Variants in HDAC8 observed in about 807,000 individuals in gnomAD.
HDAC8 encodes the protein histone deacetylase 8, also known as histone deacetylase-like 1.
In HDAC8, 1 loss-of-function variant was observed where a neutral mutation model predicts 32.2. The ratio of observed to expected loss-of-function variants is 0.03; its 90% CI spans 0.01 to 0.15. The LOEUF is 0.15. Ranked by LOEUF, HDAC8 falls within the 10% of genes least tolerant of loss-of-function variation. The pLI, the probability that HDAC8 is intolerant of heterozygous loss-of-function variation, is 1.00. For synonymous variants in HDAC8, 108 were observed against 113.9 expected (o/e 0.95, Z 0.33); for missense variants, 117 against 300.0 (o/e 0.39, Z 4.51).
At chrX:72,516,882 C>T (rs1240684256) in intron 4 of HDAC8, among the ~76,000 whole-genome samples, 2 of 112,461 alleles carry the variant, frequency 1.8e-5, no homozygotes, top group African/African-American at 6.5e-5. Flanking sequence ...TCTCTGTCCT[C>T]TTGTGCCACT....
At chrX:72,430,503 G>C (rs982530789) in intron 9 of HDAC8, among the ~76,000 whole-genome samples, 1 of 112,160 alleles carries the variant, frequency 8.9e-6, no homozygotes, top group African/African-American at 3.2e-5. Context: ...CTAAAAATTG[G>C]GTTGTCAATA....
At chrX:72,526,713 C>A (rs2050163135) in intron 4 of HDAC8, among the ~76,000 whole-genome samples, 1 of 111,727 alleles carries the variant, frequency 9.0e-6, no homozygotes, top group Non-Finnish European at 1.9e-5. Flanking sequence ...CTCGAAGACA[C>A]CATGACCAAT....
At position 72,490,395 on chromosome X, in the gene HDAC8, C is replaced by T. The variant is rs60137203; in HGVS notation, c.628+534G>A. 0.05 allele frequency among the ~76,000 whole-genome samples: 5,314 copies of T among 107,290 alleles called. 811 individuals are homozygous for T. The East Asian group carries it at 0.72, about 15-fold the overall frequency. 93.2% of individuals were successfully genotyped at this position (107,290 alleles called of 115,157 possible). Reference sequence around the variant, plus strand: ...TAGACTGGATTAAGAAAATGTGGCACATATACACCATGGAATACTATGCAG... The same window carrying T: ...TAGACTGGATTAAGAAAATGTGGCATATATACACCATGGAATACTATGCAG... On this transcript the variant is annotated intron_variant, in intron 6 of 10. Coordinates refer to ENST00000373573, the MANE Select transcript of HDAC8 (RefSeq NM_018486.3).
At chrX:72,547,536 C>T in intron 4 of HDAC8, among the ~76,000 whole-genome samples, 1 of 110,305 alleles carries the variant, frequency 9.1e-6, no homozygotes, top group Non-Finnish European at 1.9e-5. Flanking sequence ...ACTTCCATTT[C>T]CAAATCTGGA....
chrX:72,410,302 T>C (rs1221447579), intron 9 of HDAC8, among the ~76,000 whole-genome samples: 1 of 110,489 alleles, frequency 9.1e-6, no homozygotes, highest in Non-Finnish European at 1.9e-5. Flanking sequence ...TTCTGAGAGC[T>C]GGGAGGAGGC....
intron 5 of HDAC8, among the ~76,000 whole-genome samples, chrX:72,492,741 G>A (rs1277068404): frequency 1.8e-5 from 2 of 111,644 alleles, no homozygotes; most frequent in Non-Finnish European, 3.8e-5. Flanking sequence ...TCATTCTTAT[G>A]TGGTTCTGTA....
At chrX:72,568,730 A>G (rs1466463704) in intron 3 of HDAC8, 24 bp downstream of exon 3, 20 of 1,208,140 alleles carry the variant, frequency 1.7e-5, no homozygotes, top group Non-Finnish European at 2.2e-5. Context: ...TCCATCTCCC[A>G]TCACTGCCTG....
intron 4 of HDAC8, among the ~76,000 whole-genome samples, chrX:72,561,603 C>T (rs1442634932): frequency 8.9e-6 from 1 of 112,267 alleles, no homozygotes; most frequent in African/African-American, 3.2e-5. Context: ...ATTGGAAAAA[C>T]CCTTCTAGAC....
At chrX:72,443,130 G>A in intron 9 of HDAC8, among the ~76,000 whole-genome samples, 1 of 110,704 alleles carries the variant, frequency 9.0e-6, no homozygotes, top group Non-Finnish European at 1.9e-5. Context: ...AGATCAGCGA[G>A]ACAGAAAGTT....
At chrX:72,557,679 AAACAAG>A (rs2051330283) in intron 4 of HDAC8, among the ~76,000 whole-genome samples, 1 of 111,543 alleles carries the variant, frequency 9.0e-6, no homozygotes, top group Non-Finnish European at 1.9e-5. Flanking sequence ...GAAACTGGAG[AAACAAG>A]AACAATCCAA....
chrX:72,423,468 T>A (rs2046548474), intron 9 of HDAC8, among the ~76,000 whole-genome samples: 1 of 111,845 alleles, frequency 8.9e-6, no homozygotes. Flanking sequence ...CTCTACCAAC[T>A]TCCTTCTAGA....
intron 9 of HDAC8, among the ~76,000 whole-genome samples, chrX:72,445,148 C>T (rs2147996606): frequency 9.0e-6 from 1 of 110,616 alleles, no homozygotes; most frequent in East Asian, 2.8e-4. Flanking sequence ...CATCAAGCTA[C>T]CAATGACTTT....
intron 4 of HDAC8, among the ~76,000 whole-genome samples, chrX:72,550,950 C>T (rs1468174965): frequency 9.0e-6 from 1 of 111,263 alleles, no homozygotes; most frequent in African/African-American, 3.3e-5. Context: ...AGAATCTAAC[C>T]CCATCCATCT....
intron 4 of HDAC8, among the ~76,000 whole-genome samples, chrX:72,545,929 TA>T (rs1311108887): frequency 8.9e-6 from 1 of 111,814 alleles, no homozygotes; most frequent in Non-Finnish European, 1.9e-5. Flanking sequence ...TATTTGTTTA[TA>T]AAGGCTGGAG....
At chrX:72,485,623 CAAG>C (rs1400108427) in intron 7 of HDAC8, among the ~76,000 whole-genome samples, 1 of 103,796 alleles carries the variant, frequency 9.6e-6, no homozygotes, top group Non-Finnish European at 2.0e-5. Context: ...AAGGAAAAGA[CAAG>C]ACAAGAAAAG....
chrX:72,345,734 G>A (rs1267330041), intron 10 of HDAC8, among the ~76,000 whole-genome samples: 1 of 111,723 alleles, frequency 9.0e-6, no homozygotes, highest in Non-Finnish European at 1.9e-5. Flanking sequence ...AGGCTGGAGT[G>A]CAGTGGCACA....
chrX:72,424,435 G>T (rs782709615), intron 9 of HDAC8, among the ~76,000 whole-genome samples: 8 of 110,563 alleles, frequency 7.2e-5, no homozygotes, highest in Non-Finnish European at 1.1e-4. Context: ...TCTTTTTCAG[G>T]AATTCTTATT....
At chrX:72,413,253 G>A (rs1482715431) in intron 9 of HDAC8, among the ~76,000 whole-genome samples, 2 of 96,461 alleles carry the variant, frequency 2.1e-5, no homozygotes, top group African/African-American at 4.3e-5. Flanking sequence ...CTCTCCTAAC[G>A]CTGTCCCTCC....
Position 72,485,135 on chromosome X carries a change from C to T in HDAC8, c.737+3798G>A, listed in dbSNP as rs1017711920. 2.7e-5 allele frequency among the ~76,000 whole-genome samples: 3 copies of T among 111,354 alleles called. No homozygotes were observed. In the Admixed American group the frequency reaches 2.9e-4, roughly 11 times the overall value. On this transcript the variant is annotated intron_variant, in intron 7 of 10. Coordinates refer to ENST00000373573, the MANE Select transcript of HDAC8 (RefSeq NM_018486.3). ...AAAATATAGTATACCTCTATCATCT[C>T]TATACTAGGACTATAGGCTTCCATT... is the stretch of plus-strand genomic sequence containing the variant.
Sources: gnomAD v4.1 joint callset for allele counts (sites outside exome capture counted in the v4.1 genomes callset) on GRCh38, gnomAD v4.1.1 for gene constraint, MANE v1.5 for transcripts, NCBI Gene and HGNC (gene_info 2026-07-23, HGNC 2026-07-21) for gene names.